RPIA: variants seen among roughly 807,000 people sequenced by gnomAD.
The protein encoded by RPIA is ribose 5-phosphate isomerase A.
A neutral mutation model predicts 37.8 loss-of-function variants in RPIA; 29 were observed. That is an observed-to-expected ratio of 0.77 (90% CI 0.57 to 1.05). RPIA has a LOEUF of 1.05. Among genes scored for constraint, RPIA ranks in the 50% least tolerant of loss-of-function variants. The pLI is 0.00. For missense variants in RPIA, 385 were observed against 413.6 expected, an observed-to-expected ratio of 0.93 and a Z score of 0.60; for synonymous variants, 167 against 157.0, an observed-to-expected ratio of 1.06 and a Z score of -0.48.
intron 3 of RPIA, among the ~76,000 whole-genome samples, chr2:88,727,080 CGTGCGTGTGTGTGTGTGCGCGCGCATGT>C (rs1558696887): frequency 6.7e-6 from 1 of 148,708 alleles, no homozygotes; most frequent in Non-Finnish European, 1.5e-5. Context: ...CTCTTGTGTG[CGTGCGTGTGTGTGTGTGCGCGCGCATGT>C]GTGCGCGTGC....
chr2:88,721,384 T>G (rs917017218), intron 3 of RPIA, among the ~76,000 whole-genome samples: 1 of 149,924 alleles, frequency 6.7e-6, no homozygotes, highest in Non-Finnish European at 1.5e-5. Flanking sequence ...AGAAAATAAA[T>G]TTAATAATTA....
chr2:88,703,086 TG>T (rs1470414497), intron 3 of RPIA, among the ~76,000 whole-genome samples: 4 of 152,148 alleles, frequency 2.6e-5, no homozygotes, highest in Non-Finnish European at 4.4e-5. Flanking sequence ...ATGCTAGAGG[TG>T]GGTGCCCATG....
At chr2:88,717,376 C>A (rs1308122541) in intron 3 of RPIA, among the ~76,000 whole-genome samples, 1 of 152,130 alleles carries the variant, frequency 6.6e-6, no homozygotes, top group Non-Finnish European at 1.5e-5. Flanking sequence ...AGACATGAGA[C>A]ATCAGTCAAC....
intron 3 of RPIA, among the ~76,000 whole-genome samples, chr2:88,726,501 A>G (rs764551747): frequency 4.6e-5 from 7 of 152,166 alleles, no homozygotes; most frequent in East Asian, 1.9e-4. Flanking sequence ...ATTCATTTGT[A>G]TAAGAATAGA....
At chr2:88,722,475 T>C (rs1189115432) in intron 3 of RPIA, among the ~76,000 whole-genome samples, 2 of 151,458 alleles carry the variant, frequency 1.3e-5, no homozygotes, top group Non-Finnish European at 2.9e-5. Flanking sequence ...TTTAAAGTTA[T>C]GAAACTTTCC....
At chr2:88,726,497 T>G (rs1433489566) in intron 3 of RPIA, among the ~76,000 whole-genome samples, 1 of 152,124 alleles carries the variant, frequency 6.6e-6, no homozygotes, top group Non-Finnish European at 1.5e-5. Context: ...GTATATTCAT[T>G]TGTATAAGAA....
chr2:88,714,770 G>A (rs560447785), intron 3 of RPIA, among the ~76,000 whole-genome samples: 27 of 152,342 alleles, frequency 1.8e-4, no homozygotes, highest in South Asian at 8.3e-4. Flanking sequence ...GTAGATGAGA[G>A]AAAGTGCAGC....
intron 3 of RPIA, among the ~76,000 whole-genome samples, chr2:88,705,174 T>A (rs1228525325): frequency 1.3e-5 from 2 of 152,134 alleles, no homozygotes; most frequent in African/African-American, 4.8e-5. Flanking sequence ...GCTATTCCCA[T>A]TAAACTACCA....
At chr2:88,738,201 C>T (rs535945161) in intron 8 of RPIA, 125 bp downstream of exon 8, 1 of 745,454 alleles carries the variant, frequency 1.3e-6, no homozygotes, top group South Asian at 1.5e-5. Context: ...GAAGAATTCC[C>T]TTTATACCAT....
At position 88,691,752 on chromosome 2, in the gene RPIA, G is replaced by T; in HGVS notation, c.54G>T (p.Leu18=). Residue 18 remains leucine, a synonymous_variant, in exon 1 of 9, where the codon CTG becomes CTT. Coordinates refer to ENST00000283646, the MANE Select transcript of RPIA (RefSeq NM_144563.3). ...TCTACGGGCGGGTCTTGGCCCCGCT[G>T]CCCGGGAGGGCCGGGGGCGCGGCCT... ...STLYGRVLAP[L]PGRAGGAASG... is the part of the protein sequence containing the mutation. The T allele has an allele frequency of 1.3e-6, 2 of 1,594,824 alleles. No homozygotes were observed. Among genetic ancestry groups the T allele is most frequent in the East Asian group, 2.2e-5 (1 of 44,632 alleles).
At chr2:88,746,034 C>G (rs900410638) in intron 8 of RPIA, among the ~76,000 whole-genome samples, 1 of 152,060 alleles carries the variant, frequency 6.6e-6, no homozygotes, top group Non-Finnish European at 1.5e-5. Flanking sequence ...GCCTTGTCTT[C>G]GAGCTCTGAA....
chr2:88,713,751 G>A (rs1672997089), intron 3 of RPIA, among the ~76,000 whole-genome samples: 1 of 152,024 alleles, frequency 6.6e-6, no homozygotes, highest in African/African-American at 2.4e-5. Flanking sequence ...GGTGCTTGTG[G>A]ACAGTCTTAT....
chr2:88,699,358 T>A (rs2104073557), intron 2 of RPIA, among the ~76,000 whole-genome samples: 1 of 152,246 alleles, frequency 6.6e-6, no homozygotes, highest in Non-Finnish European at 1.5e-5. Context: ...CACTCAGTGA[T>A]TAAAAAGACT....
chr2:88,750,254 G>A lies in RPIA; in HGVS notation c.*176G>A, dbSNP rs1027183196. ...GTCTTATGAAGTATTGTTATTAAATGTCTTTTTAAAAAGAGAAATATAAAC... is the reference window on the plus strand; with the variant it reads ...GTCTTATGAAGTATTGTTATTAAATATCTTTTTAAAAAGAGAAATATAAAC... On this transcript the variant is annotated 3_prime_UTR_variant, in exon 9 of 9. Coordinates refer to ENST00000283646, the MANE Select transcript of RPIA (RefSeq NM_144563.3). 1.6e-5 allele frequency: 8 copies of A among 508,928 alleles called. No homozygotes were observed. Among genetic ancestry groups the A allele is most frequent in the South Asian group, 7.9e-5 (3 of 37,896 alleles). The allele number at this position is 508,928 out of a possible 1,614,324, so 31.5% of individuals were successfully genotyped here.
At chr2:88,723,654 C>G (rs374239053) in intron 3 of RPIA, among the ~76,000 whole-genome samples, 1 of 152,008 alleles carries the variant, frequency 6.6e-6, no homozygotes, top group Non-Finnish European at 1.5e-5. Context: ...CTCAGAATCC[C>G]TCTGTGGTTA....
At chr2:88,695,036 G>A (rs1672712883) in intron 1 of RPIA, among the ~76,000 whole-genome samples, 1 of 151,824 alleles carries the variant, frequency 6.6e-6, no homozygotes, top group Non-Finnish European at 1.5e-5. Flanking sequence ...GGGTTTGGAA[G>A]CTTCTGGAGA....
At chr2:88,746,699 G>A (rs181726953) in intron 8 of RPIA, among the ~76,000 whole-genome samples, 37 of 152,318 alleles carry the variant, frequency 2.4e-4, no homozygotes, top group Admixed American at 2.4e-3. Flanking sequence ...GTCCCTGGTT[G>A]TATTTTTGTT....
At chr2:88,693,397 C>CT (rs1271217065) in intron 1 of RPIA, among the ~76,000 whole-genome samples, 4 of 152,192 alleles carry the variant, frequency 2.6e-5, no homozygotes, top group Non-Finnish European at 5.9e-5. Flanking sequence ...CTACAGTGAC[C>CT]TTTTGGGGGC....
intron 1 of RPIA, 129 bp from the exon 2 acceptor site, chr2:88,698,355 A>AGTACCTGTCTT: frequency 1.2e-6 from 1 of 812,146 alleles, no homozygotes; most frequent in Non-Finnish European, 2.2e-6. Context: ...AAATAGGCAC[A>AGTACCTGTCTT]GTACCTGTCT....
Sources: gnomAD v4.1 joint callset for allele counts (sites outside exome capture counted in the v4.1 genomes callset) on GRCh38, gnomAD v4.1.1 for gene constraint, MANE v1.5 for transcripts, NCBI Gene and HGNC (gene_info 2026-07-23, HGNC 2026-07-21) for gene names.